Variants in NECAB3 observed in about 807,000 individuals in gnomAD.
NECAB3 encodes N-terminal EF-hand calcium-binding protein 3.
NECAB3 carries 38 observed loss-of-function variants against 57.2 expected under a neutral mutation model. That is an observed-to-expected ratio of 0.66 (90% CI 0.51 to 0.87). NECAB3 has a LOEUF of 0.87. NECAB3 is among the 40% of genes least tolerant of loss of function. NECAB3 has a pLI of 0.00. For missense variants in NECAB3, 474 were observed against 527.5 expected (o/e 0.90, Z 0.99); for synonymous variants, 223 against 222.6 (o/e 1.00, Z -0.02).
chr20:33,659,808 G>A, intron 7 of NECAB3, 76 bp from the exon 8 acceptor site: 3 of 1,531,006 alleles, frequency 2.0e-6, no homozygotes, highest in Non-Finnish European at 2.6e-6. Flanking sequence ...GTGAGGGGCA[G>A]TGAAGGAGCG....
In NECAB3 at chr20:33,670,804, G is replaced by C. The variant is rs1479535305; in HGVS notation, c.155-12C>G. 1.9e-6 allele frequency: 3 copies of C among 1,605,062 alleles called. No individual in the cohort carries two copies. Among genetic ancestry groups the C allele is most frequent in the Non-Finnish European group, 1.7e-6 (2 of 1,172,186 alleles). Reference sequence around the variant, plus strand: ...GAGCTTCCCATCATCTGGGGTGGCAGGGGGAGGACAGGGAGCAGAGGAGGT... The same window carrying C: ...GAGCTTCCCATCATCTGGGGTGGCACGGGGAGGACAGGGAGCAGAGGAGGT... On this transcript the variant is annotated splice_polypyrimidine_tract_variant and intron_variant, in intron 2 of 11. Coordinates refer to ENST00000246190, the MANE Select transcript of NECAB3 (RefSeq NM_031232.4).
At chr20:33,663,557 T>C in intron 5 of NECAB3, 1 of 1,606,456 alleles carries the variant, frequency 6.2e-7, no homozygotes, top group South Asian at 1.1e-5. Context: ...ATTCTCCCCC[T>C]GGACAAGCGG....
Position 33,659,627 on chromosome 20 carries a change from T to TG in NECAB3, c.748dup (p.His250ProfsTer35). The TG allele has an allele frequency of 1.9e-6, 3 of 1,609,098 alleles. No individual in the cohort carries two copies. Among genetic ancestry groups the TG allele is most frequent in the Non-Finnish European group, 2.5e-6 (3 of 1,178,674 alleles). On this transcript the variant is annotated frameshift_variant, in exon 8 of 12. Coordinates refer to ENST00000246190, the MANE Select transcript of NECAB3 (RefSeq NM_031232.4). LOFTEE classifies it high-confidence loss of function. ...TGGATACCAGGAGGGTCCTCCCTTG[T>TG]GGGGCCCTGGCCCCACGGCCCTCAC...
intron 10 of NECAB3, 95 bp from the exon 11 acceptor site, chr20:33,658,128 G>A (rs1342368675): frequency 2.7e-6 from 3 of 1,115,428 alleles, no homozygotes; most frequent in African/African-American, 3.1e-5. Flanking sequence ...ACTGCCTCTG[G>A]AGCCTCAGTC....
rs138407248 is a variant in NECAB3 at position 33,658,618 on chromosome 20, G to C, written c.993-64C>G. The stretch of plus-strand genomic sequence containing the variant: ...GCCACCACCTCTGCCTCCCCGGCCT[G>C]GGGCCTCATGGGAACCCTGACCCAC... On this transcript the variant is annotated intron_variant, in intron 9 of 11. Transcript: ENST00000246190. 2.3e-4 allele frequency: 366 copies of C among 1,603,914 alleles called. 1 individual carries two copies. The African/African-American group carries it at 4.4e-3, about 19-fold the overall frequency.
intron 5 of NECAB3, chr20:33,669,087 T>C: frequency 2.3e-6 from 1 of 436,892 alleles, no homozygotes; most frequent in Non-Finnish European, 4.1e-6. Context: ...ACCCAGTGTA[T>C]GCCAGACATT....
At chr20:33,667,724 C>A in intron 5 of NECAB3, 1 of 1,612,326 alleles carries the variant, frequency 6.2e-7, no homozygotes, top group Non-Finnish European at 8.5e-7. Flanking sequence ...CCCCGCAAGG[C>A]CATCACACAT....
chr20:33,668,223 T>A, intron 5 of NECAB3: 4 of 1,586,554 alleles, frequency 2.5e-6, no homozygotes, highest in Non-Finnish European at 3.4e-6. Flanking sequence ...TGCTGTACGA[T>A]GTGTTCAACT....
rs2017338366 is a variant in NECAB3 at position 33,657,965 on chromosome 20, G to T, written c.1139C>A (p.Thr380Asn). 2 of 1,557,760 alleles carry T rather than the reference G, an allele frequency of 1.3e-6. No homozygotes were observed. The highest frequency in any genetic ancestry group is 1.4e-5 in the African/African-American group (1 of 73,408). ...ACCTGGGAAGAACACAGTGGTGAGG[G>T]TGTCCGGGGCCCGCAGGTGGTCGAT... Reference protein sequence around the residue: ...ILIDHLRAPDTLTTVFFPASW... With the variant: ...ILIDHLRAPDNLTTVFFPASW... Residue 380 changes from threonine to asparagine, a missense_variant, in exon 11 of 12, where the codon ACC (threonine) becomes AAC (asparagine). Physicochemically the swap from Thr to Asn is moderately conservative, Grantham distance 65. Coordinates refer to ENST00000246190, the MANE Select transcript of NECAB3 (RefSeq NM_031232.4).
At position 33,657,742 on chromosome 20, in the gene NECAB3, C is replaced by G. The variant is rs1053900160; in HGVS notation, c.*87G>C. 4.3e-6 allele frequency: 6 copies of G among 1,400,676 alleles called. No individual in the cohort carries two copies. The highest frequency in any genetic ancestry group is 5.7e-6 in the Non-Finnish European group (6 of 1,053,158). The allele number at this position is 1,400,676 out of a possible 1,614,324, so 86.8% of individuals were successfully genotyped here. A position where few individuals can be genotyped will look rare whatever the true frequency, so the allele number is the denominator to read the frequency against. ...GCCCAAGTCCAGGAGGAGACAAGTC[C>G]TGGTCTTTGCGCTGGGCTGGCCAGT... On this transcript the variant is annotated 3_prime_UTR_variant, in exon 12 of 12. Transcript: ENST00000246190.
chr20:33,663,698 T>A, intron 5 of NECAB3: 3 of 1,570,284 alleles, frequency 1.9e-6, no homozygotes, highest in Non-Finnish European at 2.6e-6. Context: ...GTACTGCTGC[T>A]GCTGCGGCGG....
At chr20:33,672,779 G>A (rs1196417099) in intron 1 of NECAB3, among the ~76,000 whole-genome samples, 2 of 152,178 alleles carry the variant, frequency 1.3e-5, no homozygotes, top group African/African-American at 4.8e-5. Context: ...GAAGGTTGAG[G>A]AGATGGGCCA....
In NECAB3 at chr20:33,674,405, G is replaced by T. The variant is rs1568905487; in HGVS notation, c.-53C>A. The stretch of plus-strand genomic sequence containing the variant: ...GCGGTTGCTGCCGACCCTGGACGCC[G>T]CGGCGGACTCGGTGTGGCTAGAGGC... On this transcript the variant is annotated 5_prime_UTR_variant, in exon 1 of 12. Transcript: ENST00000246190. 6 of 1,126,878 alleles carry T rather than the reference G, an allele frequency of 5.3e-6. No individual in the cohort carries two copies. The highest frequency in any genetic ancestry group is 4.3e-6 in the Non-Finnish European group (4 of 921,180). 69.8% of individuals were successfully genotyped at this position (1,126,878 alleles called of 1,614,324 possible). A position where few individuals can be genotyped will look rare whatever the true frequency, so the allele number is the denominator to read the frequency against.
At chr20:33,667,577 G>A (rs2017704480) in intron 5 of NECAB3, 5 of 1,561,772 alleles carry the variant, frequency 3.2e-6, no homozygotes, top group Non-Finnish European at 2.6e-6. Flanking sequence ...GCGGGCGTGT[G>A]CCACGCCACG....
chr20:33,659,769 T>C lies in NECAB3; in HGVS notation c.644-37A>G, dbSNP rs746922203. On this transcript the variant is annotated intron_variant, in intron 7 of 11. Transcript: ENST00000246190. ...GCCCGTGCAGGGTCAGGCAGGGGCC[T>C]CTCAGGTCCCGCAGGTGCTCAGAAT... 5 of 1,548,894 alleles carry C rather than the reference T, an allele frequency of 3.2e-6. No homozygotes were observed. The South Asian group carries it at 5.8e-5, about 18-fold the overall frequency.
chr20:33,672,330 C>T (rs749927808), intron 2 of NECAB3, 68 bp downstream of exon 2: 2 of 1,595,760 alleles, frequency 1.3e-6, no homozygotes, highest in South Asian at 1.1e-5. Context: ...AACCTCCCAA[C>T]TCTCCCTGGG....
chr20:33,672,487 A>C, intron 1 of NECAB3, 65 bp from the exon 2 acceptor site: 1 of 1,600,376 alleles, frequency 6.2e-7, no homozygotes, highest in Non-Finnish European at 8.6e-7. Flanking sequence ...GCCCCCACTC[A>C]ACCCGACAGG....
At chr20:33,668,247 C>CT in intron 5 of NECAB3, 1 of 1,565,644 alleles carries the variant, frequency 6.4e-7, no homozygotes, top group Non-Finnish European at 8.7e-7. Context: ...TCAGGCTGGA[C>CT]TGGGGGGGGT....
At chr20:33,663,599 A>G (rs1340901413) in intron 5 of NECAB3, 2 of 1,611,228 alleles carry the variant, frequency 1.2e-6, no homozygotes, top group African/African-American at 1.3e-5. Context: ...CAACGGATTG[A>G]CTACGCGTCC....
Sources: gnomAD v4.1 joint callset for allele counts (sites outside exome capture counted in the v4.1 genomes callset) on GRCh38, gnomAD v4.1.1 for gene constraint, MANE v1.5 for transcripts, NCBI Gene and HGNC (gene_info 2026-07-23, HGNC 2026-07-21) for gene names.